Variants in UBE2R2 observed in about 807,000 individuals in gnomAD.
UBE2R2 encodes the protein ubiquitin conjugating enzyme E2 R2.
A neutral mutation model predicts 27.8 loss-of-function variants in UBE2R2; 1 was observed. That is an observed-to-expected ratio of 0.04 (90% confidence interval 0.01 to 0.17). UBE2R2 has a LOEUF of 0.17. UBE2R2 is among the 10% of genes least tolerant of loss of function. UBE2R2 has a pLI of 1.00. For missense variants in UBE2R2, 100 were observed against 291.0 expected (o/e 0.34, Z 4.78); for synonymous variants, 106 against 113.3 (o/e 0.94, Z 0.41).
At chr9:33,831,477 C>T (rs1426087229) in intron 1 of UBE2R2, among the ~76,000 whole-genome samples, 2 of 152,032 alleles carry the variant, frequency 1.3e-5, no homozygotes, top group East Asian at 1.9e-4. Flanking sequence ...AGTGCAGTGG[C>T]GCCATCTCGG....
chr9:33,894,812 A>G (rs73490846), intron 2 of UBE2R2, among the ~76,000 whole-genome samples: 1,824 of 152,288 alleles, frequency 0.012, 34 homozygotes, highest in African/African-American at 0.041. Flanking sequence ...TGGAAGGATC[A>G]CTTGAACCCG....
intron 1 of UBE2R2, among the ~76,000 whole-genome samples, chr9:33,852,250 G>A (rs921920816): frequency 6.6e-6 from 1 of 152,302 alleles, no homozygotes; most frequent in East Asian, 1.9e-4. Flanking sequence ...GGTTGAGGGT[G>A]CAGTGAGCTA....
At chr9:33,893,754 C>G (rs1300463076) in intron 2 of UBE2R2, among the ~76,000 whole-genome samples, 1 of 152,192 alleles carries the variant, frequency 6.6e-6, no homozygotes, top group Non-Finnish European at 1.5e-5. Context: ...GCCTCAACCA[C>G]CCAAGTAGCT....
At chr9:33,908,258 G>GCT (rs1822407012) in intron 3 of UBE2R2, among the ~76,000 whole-genome samples, 2 of 152,164 alleles carry the variant, frequency 1.3e-5, no homozygotes, top group South Asian at 4.1e-4. Flanking sequence ...ATTCTCACAG[G>GCT]TGTCCATCTA....
intron 1 of UBE2R2, among the ~76,000 whole-genome samples, chr9:33,842,565 G>A (rs1440724193): frequency 3.3e-5 from 5 of 152,068 alleles, no homozygotes; most frequent in African/African-American, 1.2e-4. Context: ...TGCTCATGTT[G>A]ATCTCGAATG....
intron 2 of UBE2R2, among the ~76,000 whole-genome samples, chr9:33,894,085 T>G (rs1377062777): frequency 1.3e-5 from 2 of 152,120 alleles, no homozygotes; most frequent in East Asian, 1.9e-4. Context: ...CCACCAGCAG[T>G]GTGTGTGTGT....
chr9:33,911,642 TTTGTGCATTACCCTTATACTAGAATCAC>T (rs1165054428), intron 3 of UBE2R2, among the ~76,000 whole-genome samples: 9 of 152,172 alleles, frequency 5.9e-5, no homozygotes, highest in African/African-American at 2.2e-4. Context: ...ATTTTTATGC[TTTGTGCATTACCCTTATACTAGAATCAC>T]TTGTGCATTA....
chr9:33,886,885 A>T lies in UBE2R2; in HGVS notation c.182A>T (p.His61Leu). 6.3e-7 allele frequency: 1 copy of T among 1,580,932 alleles called. No individual in the cohort carries two copies. Among genetic ancestry groups the T allele is most frequent in the Non-Finnish European group, 8.5e-7 (1 of 1,172,378 alleles). Residue 61 changes from histidine (H) to leucine (L), a missense_variant, in exon 2 of 5, where the codon CAT (histidine) becomes CTT (leucine). Coordinates refer to ENST00000263228, the MANE Select transcript of UBE2R2 (RefSeq NM_017811.4). ...TLYEGGYFKAHIKFPIDYPYS... is the reference protein window; with the variant it reads ...TLYEGGYFKALIKFPIDYPYS... ...TTTCATTTTTTTTCTTTTCAGGCGC[A>T]TATTAAATTTCCTATTGACTACCCC... is the stretch of plus-strand genomic sequence containing the variant.
intron 1 of UBE2R2, among the ~76,000 whole-genome samples, chr9:33,863,520 C>T (rs1348979160): frequency 6.7e-6 from 1 of 149,228 alleles, no homozygotes; most frequent in East Asian, 1.9e-4. Context: ...AACTCCATCT[C>T]CAAAAAACAA....
intron 1 of UBE2R2, among the ~76,000 whole-genome samples, chr9:33,843,362 T>G (rs553198008): frequency 1.3e-5 from 2 of 151,548 alleles, no homozygotes. Context: ...CAGACCTCTT[T>G]TTAAAAAAAA....
At chr9:33,894,481 C>T (rs1822054535) in intron 2 of UBE2R2, among the ~76,000 whole-genome samples, 1 of 151,974 alleles carries the variant, frequency 6.6e-6, no homozygotes, top group South Asian at 2.1e-4. Flanking sequence ...CTCTGTTGCC[C>T]AGGCTGGAGT....
At chr9:33,915,008 T>G (rs2130824898) in intron 4 of UBE2R2, among the ~76,000 whole-genome samples, 1 of 151,846 alleles carries the variant, frequency 6.6e-6, no homozygotes, top group Admixed American at 6.6e-5. Context: ...CTTATACCTG[T>G]AATCCCAGCT....
Position 33,912,071 on chromosome 9 carries a change from A to G in UBE2R2, c.470A>G (p.Lys157Arg), listed in dbSNP as rs745750000. The change falls in exon 4 of 5, where the codon AAA becomes AGA. Residue 157 changes from lysine to arginine, a missense_variant. Physicochemically the swap from Lys to Arg is conservative, Grantham distance 26 (BLOSUM62 2). Transcript: ENST00000263228. ...MFRKWRDSKGKDKEYAEIIRK... is the reference protein window; with the variant it reads ...MFRKWRDSKGRDKEYAEIIRK... ...AGGAAATGGAGAGACAGTAAAGGAA[A>G]AGACAAAGAATATGCTGAAATTATT... 1.9e-6 allele frequency: 3 copies of G among 1,612,034 alleles called. No homozygotes were observed. The South Asian group carries it at 3.3e-5, about 18-fold the overall frequency.
chr9:33,884,236 T>TCTCTCTCTCTCTCTCTC (rs1587467991), intron 1 of UBE2R2, among the ~76,000 whole-genome samples: 1 of 10,896 alleles, frequency 9.2e-5, no homozygotes, highest in Admixed American at 1.0e-3. Flanking sequence ...CTCTCTCTCT[T>TCTCTCTCTCTCTCTCTC]CCCCCTCTCT....
At chr9:33,895,441 C>A (rs10971769) in intron 2 of UBE2R2, among the ~76,000 whole-genome samples, 1 of 152,088 alleles carries the variant, frequency 6.6e-6, no homozygotes, top group East Asian at 1.9e-4. Flanking sequence ...CAGTACTGAA[C>A]AACATGGTTG....
chr9:33,865,349 A>T (rs1406092855), intron 1 of UBE2R2, among the ~76,000 whole-genome samples: 2 of 151,636 alleles, frequency 1.3e-5, no homozygotes, highest in African/African-American at 4.8e-5. Flanking sequence ...GGAGTGCACC[A>T]CCATGCCCGG....
intron 3 of UBE2R2, among the ~76,000 whole-genome samples, chr9:33,905,321 AC>A (rs1327492584): frequency 1.3e-5 from 2 of 152,152 alleles, no homozygotes; most frequent in Admixed American, 6.6e-5. Flanking sequence ...CAGAGACATC[AC>A]CCCTAGCATT....
chr9:33,903,948 T>C (rs990060134), intron 3 of UBE2R2, among the ~76,000 whole-genome samples: 7 of 152,232 alleles, frequency 4.6e-5, no homozygotes, highest in African/African-American at 1.7e-4. Flanking sequence ...AGACTTTTTA[T>C]CACTTAGTTC....
At chr9:33,852,549 C>T (rs1820992051) in intron 1 of UBE2R2, among the ~76,000 whole-genome samples, 1 of 152,122 alleles carries the variant, frequency 6.6e-6, no homozygotes, top group Non-Finnish European at 1.5e-5. Flanking sequence ...GGAGATTGGG[C>T]GAGGAGAATG....
Sources: allele counts gnomAD v4.1 joint callset (sites outside exome capture counted in the v4.1 genomes callset), GRCh38; gene constraint gnomAD v4.1.1; transcripts MANE v1.5; gene names NCBI Gene and HGNC (gene_info 2026-07-23, HGNC 2026-07-21).